MAML3: variants seen among roughly 807,000 people sequenced by gnomAD.
MAML3 encodes the protein mastermind like transcriptional coactivator 3.
A neutral mutation model predicts 101.9 loss-of-function variants in MAML3; 27 were observed. The ratio of observed to expected loss-of-function variants is 0.27; its 90% CI spans 0.20 to 0.37. The LOEUF is 0.37. Ranked by LOEUF, MAML3 falls within the 10% of genes least tolerant of loss-of-function variation. The pLI is 1.00. For missense variants in MAML3, 1,316 were observed against 1,444.9 expected (o/e 0.91, Z 1.45); for synonymous variants, 501 against 555.9 (o/e 0.90, Z 1.39).
chr4:139,767,984 T>G lies in MAML3; in HGVS notation c.2080-37317A>C, dbSNP rs2111063144. Among the ~76,000 whole-genome samples, 2 of 152,358 alleles carry G rather than the reference T, an allele frequency of 1.3e-5. 1 individual carries two copies. The highest frequency in any genetic ancestry group is 4.1e-4 in the South Asian group (2 of 4,828). On this transcript the variant is annotated intron_variant, in intron 2 of 4. Transcript: ENST00000509479. ...GTCAAAATTCTGAACAAGTTTATTT[T>G]ATTTTCTTTGTAATTTTTCACCAGA...
intron 2 of MAML3, among the ~76,000 whole-genome samples, chr4:139,832,029 G>A (rs1259985240): frequency 3.3e-5 from 5 of 149,366 alleles, no homozygotes; most frequent in African/African-American, 7.3e-5. Context: ...TCCTGACTTC[G>A]TGATCCACCC....
intron 1 of MAML3, among the ~76,000 whole-genome samples, chr4:140,060,291 G>A (rs1000808273): frequency 8.2e-5 from 12 of 147,080 alleles, no homozygotes; most frequent in African/African-American, 2.3e-4. Context: ...GCTTGAACCC[G>A]GGAGGGGGAG....
At chr4:140,060,723 T>G (rs905057628) in intron 1 of MAML3, among the ~76,000 whole-genome samples, 1 of 152,242 alleles carries the variant, frequency 6.6e-6, no homozygotes, top group East Asian at 1.9e-4. Flanking sequence ...CTATTATAAA[T>G]GATATTCTGA....
intron 2 of MAML3, among the ~76,000 whole-genome samples, chr4:139,825,287 C>T (rs943933618): frequency 6.6e-6 from 1 of 152,040 alleles, no homozygotes; most frequent in Admixed American, 6.6e-5. Context: ...CTCCTAGTTC[C>T]CTGAAGGAGG....
At chr4:140,042,708 G>C (rs2110910485) in intron 1 of MAML3, among the ~76,000 whole-genome samples, 1 of 152,180 alleles carries the variant, frequency 6.6e-6, no homozygotes, top group East Asian at 1.9e-4. Flanking sequence ...AGTCACACAG[G>C]GGCCATGTGA....
At chr4:139,970,248 G>A (rs1734213363) in intron 1 of MAML3, among the ~76,000 whole-genome samples, 1 of 152,216 alleles carries the variant, frequency 6.6e-6, no homozygotes, top group African/African-American at 2.4e-5. Flanking sequence ...GGTAGCATTT[G>A]AGTAGAGCAT....
chr4:140,108,457 CAA>C (rs970504363), intron 1 of MAML3, among the ~76,000 whole-genome samples: 2 of 151,772 alleles, frequency 1.3e-5, no homozygotes, highest in Non-Finnish European at 1.5e-5. Flanking sequence ...AGAAAAACTA[CAA>C]AGAGTCTGAA....
At chr4:140,074,288 G>T (rs977536846) in intron 1 of MAML3, among the ~76,000 whole-genome samples, 1 of 151,402 alleles carries the variant, frequency 6.6e-6, no homozygotes, top group African/African-American at 2.4e-5. Flanking sequence ...GAGGGAGAGG[G>T]TCATTATTCA....
chr4:139,826,030 G>C (rs1028143170), intron 2 of MAML3, among the ~76,000 whole-genome samples: 1 of 152,146 alleles, frequency 6.6e-6, no homozygotes, highest in African/African-American at 2.4e-5. Flanking sequence ...AGCCCTGTGG[G>C]AGGAAGGGGG....
At chr4:139,775,637 G>A (rs1730079288) in intron 2 of MAML3, among the ~76,000 whole-genome samples, 1 of 152,076 alleles carries the variant, frequency 6.6e-6, no homozygotes, top group Admixed American at 6.6e-5. Flanking sequence ...AGAGAGGAGT[G>A]GTTCGGGGGG....
chr4:139,752,202 G>T (rs751451737), intron 2 of MAML3, among the ~76,000 whole-genome samples: 3 of 152,128 alleles, frequency 2.0e-5, no homozygotes, highest in Admixed American at 1.3e-4. Flanking sequence ...TAAGGCTCAC[G>T]TTACGTACTA....
intron 1 of MAML3, among the ~76,000 whole-genome samples, chr4:140,031,150 A>AG (rs1297667604): frequency 1.3e-5 from 2 of 152,216 alleles, no homozygotes; most frequent in South Asian, 2.1e-4. Flanking sequence ...AAAAATTTAA[A>AG]GGGGCATTTA....
chr4:139,888,461 G>A (rs553789300), intron 2 of MAML3: 36 of 500,970 alleles, frequency 7.2e-5, no homozygotes, highest in African/African-American at 5.3e-4. Flanking sequence ...AGGGGGAGTC[G>A]CTTTAATGGG....
At chr4:139,752,321 T>C (rs751061577) in intron 2 of MAML3, among the ~76,000 whole-genome samples, 13 of 152,210 alleles carry the variant, frequency 8.5e-5, no homozygotes, top group Non-Finnish European at 1.6e-4. Flanking sequence ...CAATGAGATA[T>C]GGTATTTAGG....
At chr4:140,133,093 T>A in intron 1 of MAML3, 1 of 448,682 alleles carries the variant, frequency 2.2e-6, no homozygotes, top group South Asian at 1.6e-5. Flanking sequence ...GGAGCCACTA[T>A]GTGCTGTTAC....
At chr4:139,863,514 C>G (rs1372092773) in intron 2 of MAML3, among the ~76,000 whole-genome samples, 2 of 151,916 alleles carry the variant, frequency 1.3e-5, no homozygotes, top group Non-Finnish European at 2.9e-5. Flanking sequence ...TCATGCTTGG[C>G]AAATTTTGTA....
At chr4:139,975,466 A>C (rs1454053617) in intron 1 of MAML3, among the ~76,000 whole-genome samples, 2 of 152,072 alleles carry the variant, frequency 1.3e-5, no homozygotes, top group Non-Finnish European at 2.9e-5. Context: ...CACACACCCC[A>C]TATACCTCCT....
chr4:140,135,852 T>C (rs1728873622), intron 1 of MAML3, among the ~76,000 whole-genome samples: 1 of 152,238 alleles, frequency 6.6e-6, no homozygotes, highest in African/African-American at 2.4e-5. Context: ...ATTACTTTTC[T>C]GGGAATTCAA....
chr4:139,760,016 C>T (rs144009387), intron 2 of MAML3, among the ~76,000 whole-genome samples: 61 of 152,356 alleles, frequency 4.0e-4, no homozygotes, highest in Admixed American at 7.8e-4. Flanking sequence ...CTCAACAACA[C>T]GGTATTTGGC....
Sources: allele counts gnomAD v4.1 joint callset (sites outside exome capture counted in the v4.1 genomes callset), GRCh38; gene constraint gnomAD v4.1.1; transcripts MANE v1.5; gene names NCBI Gene and HGNC (gene_info 2026-07-23, HGNC 2026-07-21).